ARHGEF37: variants seen among roughly 807,000 people sequenced by gnomAD.
ARHGEF37 encodes the protein Rho guanine nucleotide exchange factor 37, also known as Rho guanine nucleotide exchange factor (GEF) 37.
Under a neutral mutation model 71.1 loss-of-function variants are expected in ARHGEF37, and 55 were observed. That is an observed-to-expected ratio of 0.77 (90% CI 0.62 to 0.97). The LOEUF is 0.97. ARHGEF37 is among the 50% of genes least tolerant of loss of function. ARHGEF37 has a pLI of 0.00. For missense variants in ARHGEF37, 765 were observed against 836.8 expected (o/e 0.91, Z 1.06); for synonymous variants, 327 against 350.6 (o/e 0.93, Z 0.75).
intron 1 of ARHGEF37, among the ~76,000 whole-genome samples, chr5:149,582,437 A>G (rs1278673968): frequency 6.6e-6 from 1 of 152,232 alleles, no homozygotes; most frequent in Admixed American, 6.5e-5. Context: ...TGTGTGATCC[A>G]GGAAGCATAG....
At chr5:149,576,690 C>T (rs1157804220), upstream of ARHGEF37, among the ~76,000 whole-genome samples, 1 of 152,304 alleles carries the variant, frequency 6.6e-6, no homozygotes, top group South Asian at 2.1e-4. Context: ...TGCATGGTGG[C>T]TCACACCTGT....
intron 1 of ARHGEF37, among the ~76,000 whole-genome samples, chr5:149,555,494 T>C: frequency 6.6e-6 from 1 of 151,966 alleles, no homozygotes; most frequent in South Asian, 2.1e-4. Flanking sequence ...TTTTAACTTT[T>C]TGTAGAAATA....
At chr5:149,593,792 T>C (rs759208215) in intron 1 of ARHGEF37, among the ~76,000 whole-genome samples, 1 of 152,186 alleles carries the variant, frequency 6.6e-6, no homozygotes, top group Non-Finnish European at 1.5e-5. Flanking sequence ...GTCTTCATCC[T>C]TGTGGTCTTT....
intron 1 of ARHGEF37, among the ~76,000 whole-genome samples, chr5:149,588,583 C>T (rs566015390): frequency 6.6e-6 from 1 of 152,308 alleles, no homozygotes; most frequent in East Asian, 1.9e-4. Flanking sequence ...TGGGCATGAG[C>T]CACCATGCCC....
intron 12 of ARHGEF37, among the ~76,000 whole-genome samples, chr5:149,630,271 T>A (rs974140930): frequency 6.6e-6 from 1 of 152,030 alleles, no homozygotes; most frequent in Non-Finnish European, 1.5e-5. Flanking sequence ...GGGGAAGAAG[T>A]TCAGTGGGAT....
chr5:149,588,593 C>T (rs183224016), intron 1 of ARHGEF37, among the ~76,000 whole-genome samples: 55 of 152,270 alleles, frequency 3.6e-4, no homozygotes, highest in African/African-American at 1.1e-3. Context: ...CCACCATGCC[C>T]GGCCCCTTTA....
chr5:149,565,438 A>G (rs1375761701), intron 1 of ARHGEF37, among the ~76,000 whole-genome samples: 1 of 152,236 alleles, frequency 6.6e-6, no homozygotes, highest in Admixed American at 6.5e-5. Flanking sequence ...CAAAGTCAAA[A>G]TAATGGCAGA....
chr5:149,603,496 T>C (rs1355956411), intron 3 of ARHGEF37, among the ~76,000 whole-genome samples: 1 of 152,198 alleles, frequency 6.6e-6, no homozygotes, highest in Non-Finnish European at 1.5e-5. Context: ...CTGAATTGCT[T>C]CTGCATGGTA....
intron 1 of ARHGEF37, among the ~76,000 whole-genome samples, chr5:149,595,855 C>T (rs995070463): frequency 2.6e-5 from 4 of 152,014 alleles, no homozygotes; most frequent in African/African-American, 7.3e-5. Flanking sequence ...TGTGTTGTTA[C>T]GAATTTATGT....
intron 1 of ARHGEF37, among the ~76,000 whole-genome samples, chr5:149,596,498 T>C (rs1257368377): frequency 6.6e-6 from 1 of 152,016 alleles, no homozygotes; most frequent in Non-Finnish European, 1.5e-5. Context: ...AGAAATGCGG[T>C]TTTACCATGT....
At chr5:149,621,340 T>C (rs1752532244) in intron 8 of ARHGEF37, among the ~76,000 whole-genome samples, 1 of 151,902 alleles carries the variant, frequency 6.6e-6, no homozygotes, top group South Asian at 2.1e-4. Context: ...TGGCATGTGC[T>C]AAGGTGGGAG....
At chr5:149,562,921 ATCCCCC>A (rs1762851539) in intron 1 of ARHGEF37, among the ~76,000 whole-genome samples, 1 of 152,160 alleles carries the variant, frequency 6.6e-6, no homozygotes, top group Admixed American at 6.6e-5. Flanking sequence ...GACTTAAATC[ATCCCCC>A]TCCCCCCTTG....
intron 4 of ARHGEF37, among the ~76,000 whole-genome samples, chr5:149,613,890 A>C (rs1352003436): frequency 4.6e-5 from 7 of 151,094 alleles, no homozygotes; most frequent in Non-Finnish European, 1.0e-4. Context: ...CAGCCTCCTG[A>C]GTAGTTTGGA....
At chr5:149,553,920 C>G (rs1324690844) in intron 1 of ARHGEF37, among the ~76,000 whole-genome samples, 1 of 152,186 alleles carries the variant, frequency 6.6e-6, no homozygotes, top group African/African-American at 2.4e-5. Context: ...GTAATCCTAG[C>G]ACTTTGGGAG....
At chr5:149,593,154 G>C (rs1054605809) in intron 1 of ARHGEF37, among the ~76,000 whole-genome samples, 11 of 152,148 alleles carry the variant, frequency 7.2e-5, no homozygotes, top group African/African-American at 2.7e-4. Flanking sequence ...TATTTTTTTG[G>C]TAGCAGCTTT....
At chr5:149,620,125 G>A (rs1375495320) in intron 7 of ARHGEF37, among the ~76,000 whole-genome samples, 3 of 151,900 alleles carry the variant, frequency 2.0e-5, no homozygotes, top group African/African-American at 7.2e-5. Context: ...GCATGTAAAT[G>A]TATGAAGTTC....
Position 149,619,139 on chromosome 5 carries a change from G to C in ARHGEF37, c.894+97G>C, listed in dbSNP as rs374852028. 34 of 1,013,232 alleles carry C rather than the reference G, an allele frequency of 3.4e-5. No individual in the cohort carries two copies. The East Asian group carries it at 7.7e-4, about 23-fold the overall frequency. 62.8% of individuals were successfully genotyped at this position (1,013,232 alleles called of 1,614,324 possible). On this transcript the variant is annotated intron_variant, in intron 7 of 12. Coordinates refer to ENST00000333677, the MANE Select transcript of ARHGEF37 (RefSeq NM_001001669.3). ...AGCCTACAAGCTGGGAAAGGCACCA[G>C]CCTCAGAAACCAACCAGATGAGGTC...
At chr5:149,569,584 T>C (rs2113244327) in intron 1 of ARHGEF37, among the ~76,000 whole-genome samples, 1 of 152,262 alleles carries the variant, frequency 6.6e-6, no homozygotes, top group East Asian at 1.9e-4. Context: ...CCTCCCACAG[T>C]GCTGGGATTA....
At chr5:149,590,123 T>A (rs1237949106) in intron 1 of ARHGEF37, among the ~76,000 whole-genome samples, 2 of 152,184 alleles carry the variant, frequency 1.3e-5, no homozygotes, top group African/African-American at 4.8e-5. Flanking sequence ...CATGTAGTAG[T>A]TGCTCCAAAT....
Sources: gnomAD v4.1 joint callset for allele counts (sites outside exome capture counted in the v4.1 genomes callset) on GRCh38, gnomAD v4.1.1 for gene constraint, MANE v1.5 for transcripts, NCBI Gene and HGNC (gene_info 2026-07-23, HGNC 2026-07-21) for gene names.